CSF1R: variants seen among roughly 807,000 people sequenced by gnomAD.
CSF1R encodes colony stimulating factor 1 receptor.
Under a neutral mutation model 110.0 loss-of-function variants are expected in CSF1R, and 40 were observed. That is an observed-to-expected ratio of 0.36 (90% confidence interval 0.28 to 0.47). The LOEUF (loss-of-function observed/expected upper bound fraction) is 0.47. Ranked by LOEUF, CSF1R falls within the 20% of genes least tolerant of loss-of-function variation. CSF1R has a pLI of 0.99. For synonymous variants in CSF1R, 523 were observed against 503.4 expected (o/e 1.04, Z -0.52); for missense variants, 1,052 against 1,253.0 (o/e 0.84, Z 2.42).
chr5:150,095,482 T>C (rs1581343928), intron 1 of CSF1R, among the ~76,000 whole-genome samples: 1 of 152,112 alleles, frequency 6.6e-6, no homozygotes, highest in East Asian at 1.9e-4. Context: ...ATCTGGGAAA[T>C]TGAAAATATT....
intron 1 of CSF1R, among the ~76,000 whole-genome samples, chr5:150,092,158 T>C (rs1759064434): frequency 6.6e-6 from 1 of 152,252 alleles, no homozygotes; most frequent in Non-Finnish European, 1.5e-5. Flanking sequence ...AGCCAATACA[T>C]AAACTATTGA....
At chr5:150,054,741 CT>C (rs1757117455) in intron 19 of CSF1R, 2 of 316,592 alleles carry the variant, frequency 6.3e-6, no homozygotes, top group Non-Finnish European at 1.2e-5. Context: ...AATCCCAACA[CT>C]TTGGGAGGTT....
At position 150,061,975 on chromosome 5, in the gene CSF1R, G is replaced by T. The variant is rs1326259359; in HGVS notation, c.1627-126C>A. On this transcript the variant is annotated intron_variant, in intron 10 of 20. Transcript: ENST00000675795. ...GCCCAGTGGGAGAAGGCAGGGCAAG[G>T]CCTGCTCTGGGCTGAGAGAGGTCGT... 2.3e-6 allele frequency: 3 copies of T among 1,287,762 alleles called. No homozygotes were observed. In the East Asian group the frequency reaches 7.0e-5, roughly 30 times the overall value. 79.8% of individuals were successfully genotyped at this position (1,287,762 alleles called of 1,614,324 possible). A position where few individuals can be genotyped will look rare whatever the true frequency, so the allele number is the denominator to read the frequency against.
intron 14 of CSF1R, among the ~76,000 whole-genome samples, chr5:150,058,915 A>G (rs1161491911): frequency 1.3e-5 from 2 of 151,924 alleles, no homozygotes. Context: ...TCCAGGCTCC[A>G]CCTCTAACCC....
chr5:150,109,664 T>G (rs1759660925), intron 1 of CSF1R, among the ~76,000 whole-genome samples: 3 of 152,226 alleles, frequency 2.0e-5, no homozygotes, highest in Admixed American at 2.0e-4. Flanking sequence ...TGTTTGTATG[T>G]TTGATTTTCT....
intron 1 of CSF1R, chr5:150,094,493 G>A (rs1759149313): frequency 6.3e-6 from 10 of 1,599,674 alleles, no homozygotes; most frequent in East Asian, 2.2e-5. Context: ...ATAGGCAGAT[G>A]TACAGGACTG....
At chr5:150,098,699 A>G (rs952256017) in intron 1 of CSF1R, among the ~76,000 whole-genome samples, 2 of 152,156 alleles carry the variant, frequency 1.3e-5, no homozygotes, top group African/African-American at 4.8e-5. Flanking sequence ...AACAAGGAAA[A>G]CATTGAACAA....
At position 150,072,719 on chromosome 5, in the gene CSF1R, C is replaced by CG. The variant is rs565169419; in HGVS notation, c.1082+581dup. On this transcript the variant is annotated intron_variant, in intron 6 of 20. Transcript: ENST00000675795. ...ACACAGGATTGTGGGAGTGGAGAGA[C>CG]GGAAGAAGAGGGGTGTGGAGTTATT... Among the ~76,000 whole-genome samples the CG allele has an allele frequency of 2.0e-3, 301 of 152,094 alleles. 2 individuals carry two copies. The highest frequency in any genetic ancestry group is 6.3e-3 in the African/African-American group (260 of 41,492).
At position 150,054,421 on chromosome 5, in the gene CSF1R, G is replaced by T. The variant is rs1581276926; in HGVS notation, c.2664C>A (p.Ile888=). 1.9e-6 allele frequency: 3 copies of T among 1,612,446 alleles called. No homozygotes were observed. Among genetic ancestry groups the T allele is most frequent in the Admixed American group, 1.7e-5 (1 of 59,850 alleles). The change falls in exon 20 of 21, where the codon ATC becomes ATA. Residue 888 remains isoleucine, a synonymous_variant. Coordinates refer to ENST00000675795, the MANE Select transcript of CSF1R (RefSeq NM_001288705.3). ...PAFAPKNIYS[I]MQACWALEPT... is the part of the protein sequence containing the mutation. The stretch of plus-strand genomic sequence containing the variant: ...GCTCCAAGGCCCAGCAGGCCTGCAT[G>T]ATGCTGTATCTGGGAGATAGGACAG...
chr5:150,061,462 C>T, intron 12 of CSF1R, 29 bp downstream of exon 12: 1 of 882,818 alleles, frequency 1.1e-6, no homozygotes, highest in Non-Finnish European at 1.7e-6. Flanking sequence ...CACCCCCCAT[C>T]CCTTCCCTCA....
At chr5:150,104,301 G>A (rs998849768) in intron 1 of CSF1R, among the ~76,000 whole-genome samples, 2 of 152,222 alleles carry the variant, frequency 1.3e-5, no homozygotes, top group Admixed American at 1.3e-4. Context: ...TAGTCCTGAG[G>A]GATGGCCTAG....
In CSF1R at chr5:150,056,241, G is replaced by A; in HGVS notation, c.2420C>T (p.Ser807Phe). 6.2e-7 allele frequency: 1 copy of A among 1,614,146 alleles called. No individual in the cohort carries two copies. The change falls in exon 17 of 21, where the codon TCC becomes TTC. Residue 807 changes from serine to phenylalanine, a missense_variant. Around this residue, in one of 5 missense-constraint regions of CSF1R, gnomAD observed 74 missense variants for 187.4 expected, o/e 0.39. Coordinates refer to ENST00000675795, the MANE Select transcript of CSF1R (RefSeq NM_001288705.3). ...TACATTGCCCTTGACAATGTAGTTGGAGTCATTCATGATGTCCCTAGCCAG... is the reference window on the plus strand; with the variant it reads ...TACATTGCCCTTGACAATGTAGTTGAAGTCATTCATGATGTCCCTAGCCAG... ...FGLARDIMND[S>F]NYIVKGNARL...
chr5:150,081,064 G>C, intron 1 of CSF1R, 40 bp from the exon 2 acceptor site: 2 of 1,608,202 alleles, frequency 1.2e-6, no homozygotes, highest in Non-Finnish European at 1.7e-6. Context: ...GTGAGGTCTA[G>C]GATGCGCCCC....
chr5:150,057,240 G>A (rs780603197), intron 16 of CSF1R, 47 bp downstream of exon 16: 1 of 1,556,552 alleles, frequency 6.4e-7, no homozygotes, highest in Non-Finnish European at 8.8e-7. Flanking sequence ...AGCCTCCCCG[G>A]AGCACAGACC....
At position 150,078,187 on chromosome 5, in the gene CSF1R, C is replaced by T; in HGVS notation, c.654G>A (p.Glu218=). Residue 218 remains glutamate (E), a synonymous_variant, in exon 4 of 21, where the codon GAG becomes GAA. Coordinates refer to ENST00000675795, the MANE Select transcript of CSF1R (RefSeq NM_001288705.3). ...VPAELVRIRG[E]AAQIVCSASS... is the part of the protein sequence containing the mutation. ...TGGCTGAGCACACGATCTGGGCAGCCTCCCCTCGAATCCGCACCAGCTCTG... is the reference window on the plus strand; with the variant it reads ...TGGCTGAGCACACGATCTGGGCAGCTTCCCCTCGAATCCGCACCAGCTCTG... 1 of 1,614,122 alleles carries T rather than the reference C, an allele frequency of 6.2e-7. No individual in the cohort carries two copies. Among genetic ancestry groups the T allele is most frequent in the South Asian group, 1.1e-5 (1 of 91,078 alleles).
At chr5:150,080,444 G>A (rs1758484220) in intron 2 of CSF1R, 108 bp from the exon 3 acceptor site, 2 of 1,402,278 alleles carry the variant, frequency 1.4e-6, no homozygotes, top group Non-Finnish European at 1.9e-6. Context: ...ATTCATCTGA[G>A]GTCACACCAC....
At chr5:150,062,239 T>G (rs1757564955) in intron 10 of CSF1R, among the ~76,000 whole-genome samples, 1 of 116,034 alleles carries the variant, frequency 8.6e-6, no homozygotes, top group Non-Finnish European at 1.9e-5. Flanking sequence ...CCACCCAACC[T>G]CCCATCCAAA....
intron 10 of CSF1R, among the ~76,000 whole-genome samples, chr5:150,064,036 C>A (rs990949973): frequency 6.6e-6 from 1 of 152,204 alleles, no homozygotes; most frequent in Non-Finnish European, 1.5e-5. Flanking sequence ...TTATCCTAAG[C>A]AAATTAACAC....
Position 150,057,278 on chromosome 5 carries a change from C to T in CSF1R, c.2319+9G>A, listed in dbSNP as rs1445851396. On this transcript the variant is annotated intron_variant, in intron 16 of 20. Transcript: ENST00000675795. The stretch of plus-strand genomic sequence containing the variant: ...GGTGGCTATGAGCCAGGGCCAGGTT[C>T]CTACTCACATTCTTGGAAGCGAGGA... 6.2e-7 allele frequency: 1 copy of T among 1,611,770 alleles called. No homozygotes were observed. Among genetic ancestry groups the T allele is most frequent in the African/African-American group, 1.3e-5 (1 of 74,876 alleles).
Sources: allele counts gnomAD v4.1 joint callset (sites outside exome capture counted in the v4.1 genomes callset), GRCh38; gene constraint gnomAD v4.1.1; regional missense constraint gnomAD v4.1.1; transcripts MANE v1.5; gene names NCBI Gene and HGNC (gene_info 2026-07-23, HGNC 2026-07-21).